Variants in TTC39C observed in about 807,000 individuals in gnomAD.
TTC39C encodes the protein tetratricopeptide repeat protein 39C.
Under a neutral mutation model 76.3 loss-of-function variants are expected in TTC39C, and 33 were observed. The observed-to-expected ratio is 0.43, with a 90% CI of 0.33 to 0.58. The LOEUF (loss-of-function observed/expected upper bound fraction) is 0.58, where lower values mean the gene tolerates loss of function less well. Ranked by LOEUF, TTC39C falls within the 20% of genes least tolerant of loss-of-function variation. TTC39C has a pLI of 0.04. For synonymous variants in TTC39C, 254 were observed against 260.6 expected (o/e 0.97, Z 0.24); for missense variants, 595 against 701.4 (o/e 0.85, Z 1.71).
chr18:24,131,576 G>T (rs923775511), intron 12 of TTC39C, among the ~76,000 whole-genome samples: 2 of 151,834 alleles, frequency 1.3e-5, no homozygotes, highest in African/African-American at 4.8e-5. Flanking sequence ...CATAGTGGCA[G>T]GTGCCTGTAA....
chr18:24,059,021 A>C (rs1440293591), intron 1 of TTC39C, among the ~76,000 whole-genome samples: 1 of 152,094 alleles, frequency 6.6e-6, no homozygotes, highest in Non-Finnish European at 1.5e-5. Context: ...ATGAGCTCTT[A>C]GTTGGATATG....
intron 1 of TTC39C, among the ~76,000 whole-genome samples, chr18:24,001,822 T>TG (rs1382775512): frequency 2.5e-4 from 8 of 32,634 alleles, no homozygotes; most frequent in African/African-American, 3.3e-4. Flanking sequence ...ACGGTAATTC[T>TG]GTTTTTTTTT....
At position 23,995,448 on chromosome 18, in the gene TTC39C, C is replaced by T. The variant is rs369157839; in HGVS notation, c.-17+2410C>T. ...CTGCACCACTGCACTTCAGCTTGGG[C>T]GACAGAGTGAGACTCTGTCTCTAAA... is the stretch of plus-strand genomic sequence containing the variant. On this transcript the variant is annotated intron_variant, in intron 1 of 13. Transcript: ENST00000304621. Among the ~76,000 whole-genome samples, 435 of 151,650 alleles carry T rather than the reference C, an allele frequency of 2.9e-3. 2 individuals carry two copies. The highest frequency in any genetic ancestry group is 0.01 in the African/African-American group (414 of 41,338).
Position 24,083,043 on chromosome 18 carries a change from C to G in TTC39C, c.946C>G (p.Leu316Val). Residue 316 changes from leucine (L) to valine (V), a missense_variant, in exon 6 of 14, where the codon CTC (leucine) becomes GTC (valine). Leu to Val is a conservative substitution (Grantham distance 32, BLOSUM62 1). Transcript: ENST00000317571. ...KKEAAYPNSS[L>V]FMFFKGRIQR... is the part of the protein sequence containing the mutation. Reference sequence around the variant, plus strand: ...AGAAGCTGCTTATCCAAATTCTTCCCTCTTTATGTTTTTCAAGGGACGGAT... The same window carrying G: ...AGAAGCTGCTTATCCAAATTCTTCCGTCTTTATGTTTTTCAAGGGACGGAT... 3 of 1,614,036 alleles carry G rather than the reference C, an allele frequency of 1.9e-6. No homozygotes were observed. The highest frequency in any genetic ancestry group is 2.5e-6 in the Non-Finnish European group (3 of 1,179,954).
upstream of TTC39C, chr18:24,014,595 T>G: frequency 3.5e-6 from 1 of 283,606 alleles, no homozygotes. Flanking sequence ...CCGCGCGAGT[T>G]GGGTGCTTCG....
intron 3 of TTC39C, among the ~76,000 whole-genome samples, chr18:24,067,429 G>A (rs572761114): frequency 1.1e-3 from 164 of 152,272 alleles, no homozygotes; most frequent in African/African-American, 3.5e-3. Flanking sequence ...CCATGGACCC[G>A]TACTGGTCTA....
chr18:24,078,747 A>G (rs1231759193), intron 4 of TTC39C, among the ~76,000 whole-genome samples: 2 of 152,260 alleles, frequency 1.3e-5, no homozygotes, highest in Admixed American at 1.3e-4. Context: ...AGGCACATAG[A>G]CAAATTCCGG....
At chr18:24,045,913 A>ATGTATATG (rs1215323392) in intron 1 of TTC39C, among the ~76,000 whole-genome samples, 1 of 41,406 alleles carries the variant, frequency 2.4e-5, no homozygotes, top group Non-Finnish European at 3.7e-5. Flanking sequence ...ATATATATAT[A>ATGTATATG]TATATATATA....
chr18:24,008,048 T>C (rs554505062), intron 1 of TTC39C, among the ~76,000 whole-genome samples: 2 of 152,176 alleles, frequency 1.3e-5, no homozygotes, highest in Non-Finnish European at 2.9e-5. Context: ...CTGAAAGAGA[T>C]GAAGTAAAAT....
At chr18:24,080,503 G>C (rs1008394313) in intron 4 of TTC39C, 82 bp from the exon 5 acceptor site, 2 of 1,085,392 alleles carry the variant, frequency 1.8e-6, no homozygotes, top group Non-Finnish European at 2.6e-6. Context: ...TGATTTTCAG[G>C]TTACTGTTCA....
intron 1 of TTC39C, 64 bp downstream of exon 1, chr18:24,015,102 T>C: frequency 7.4e-7 from 1 of 1,344,298 alleles, no homozygotes; most frequent in Non-Finnish European, 9.7e-7. Flanking sequence ...CTCACGCGCC[T>C]CGACCTGCGG....
At chr18:24,032,141 G>T (rs2083678940) in intron 1 of TTC39C, among the ~76,000 whole-genome samples, 1 of 152,230 alleles carries the variant, frequency 6.6e-6, no homozygotes, top group African/African-American at 2.4e-5. Context: ...CCTCCCCAGG[G>T]AGTGTGGCCC....
At chr18:24,114,259 G>T in intron 6 of TTC39C, 1 of 307,194 alleles carries the variant, frequency 3.3e-6, no homozygotes, top group Non-Finnish European at 6.1e-6. Flanking sequence ...TGAAGGAGAA[G>T]GTGGGTGTGA....
At chr18:24,121,135 G>A (rs1278779723) in intron 8 of TTC39C, 1 of 152,104 alleles carries the variant, frequency 6.6e-6, no homozygotes, top group Non-Finnish European at 1.5e-5. Context: ...AAAATTATAA[G>A]TTACCAAAAA....
intron 1 of TTC39C, among the ~76,000 whole-genome samples, chr18:24,058,109 C>T (rs1568421983): frequency 6.6e-6 from 1 of 152,140 alleles, no homozygotes; most frequent in East Asian, 1.9e-4. Context: ...GAGCTAAACA[C>T]TGAGTGCACT....
chr18:24,045,899 A>ATATATATATGTATATGTATATGTG (rs1392554899), intron 1 of TTC39C, among the ~76,000 whole-genome samples: 2 of 38,782 alleles, frequency 5.2e-5, no homozygotes, highest in African/African-American at 2.8e-4. Flanking sequence ...GAAAATATAT[A>ATATATATATGTATATGTATATGTG]TATATATATA....
chr18:24,027,577 T>TG (rs1467084094), intron 1 of TTC39C, among the ~76,000 whole-genome samples: 5 of 150,700 alleles, frequency 3.3e-5, no homozygotes, highest in Non-Finnish European at 7.4e-5. Flanking sequence ...TTTTTTTTTT[T>TG]GAGATAGGGC....
intron 8 of TTC39C, among the ~76,000 whole-genome samples, chr18:24,119,963 T>TCC (rs11429659): frequency 0.035 from 5,091 of 146,726 alleles, 134 homozygotes; most frequent in Admixed American, 0.063. Context: ...GAACATTAAT[T>TCC]CCCCCCCCCC....
chr18:24,065,056 G>A (rs1192587431), intron 2 of TTC39C, among the ~76,000 whole-genome samples: 2 of 152,250 alleles, frequency 1.3e-5, no homozygotes, highest in African/African-American at 2.4e-5. Flanking sequence ...GGCTGCGAAT[G>A]AGATCTAACC....
Sources: allele counts gnomAD v4.1 joint callset (sites outside exome capture counted in the v4.1 genomes callset), GRCh38; gene constraint gnomAD v4.1.1; transcripts MANE v1.5; gene names NCBI Gene and HGNC (gene_info 2026-07-23, HGNC 2026-07-21).